Variants in CPLANE1 observed in about 807,000 individuals in gnomAD.
CPLANE1 encodes the protein ciliogenesis and planar polarity effector 1.
CPLANE1 carries 263 observed loss-of-function variants against 362.5 expected under a neutral mutation model. That is an observed-to-expected ratio of 0.73 (90% confidence interval 0.66 to 0.80). The LOEUF (loss-of-function observed/expected upper bound fraction) is 0.80, where lower values mean the gene tolerates loss of function less well. CPLANE1 is among the 30% of genes least tolerant of loss of function. CPLANE1 has a pLI of 0.00. For synonymous variants in CPLANE1, 1,212 were observed against 1,302.6 expected (o/e 0.93, Z 1.50); for missense variants, 3,461 against 3,793.4 (o/e 0.91, Z 2.30).
In CPLANE1 at chr5:37,183,543, A is replaced by G. The variant is rs1783219870; in HGVS notation, c.4638T>C (p.Asp1546=). The change falls in exon 26 of 53, where the codon GAT becomes GAC. Residue 1546 remains aspartate, a synonymous_variant. Coordinates refer to ENST00000651892, the MANE Select transcript of CPLANE1 (RefSeq NM_001384732.1). ...PVIGVWEFER[D]DDEYIKFLDL... is the part of the protein sequence containing the mutation. ...CAAGGAATTTAATATATTCATCATC[A>G]TCACGTTCAAATTCCCAAACACCTA... is the stretch of plus-strand genomic sequence containing the variant. 1.2e-6 allele frequency: 2 copies of G among 1,613,688 alleles called. No individual in the cohort carries two copies. The highest frequency in any genetic ancestry group is 1.7e-6 in the Non-Finnish European group (2 of 1,179,700).
chr5:37,157,634 C>A (rs752453603), intron 40 of CPLANE1, 36 bp downstream of exon 40: 6 of 1,564,514 alleles, frequency 3.8e-6, no homozygotes. Flanking sequence ...AAGAACTTTT[C>A]AAATTATATT....
rs1229286937 is a variant in CPLANE1 at position 37,122,463 on chromosome 5, C to G, written c.8984G>C (p.Arg2995Thr). 1 of 1,612,978 alleles carries G rather than the reference C, an allele frequency of 6.2e-7. No homozygotes were observed. Residue 2995 changes from arginine to threonine, a missense_variant, in exon 48 of 53, where the codon AGG (arginine) becomes ACG (threonine). Arg to Thr is a moderately conservative substitution (Grantham distance 71). Transcript: ENST00000651892. ...TTCATGCTTCATCTTTTGTCTCAGC[C>G]TTATTTCCCTTGAAGTCATGTAAAG... is the stretch of plus-strand genomic sequence containing the variant. Reference protein sequence around the residue: ...NPLYMTSREIRLRQKMKHEKD... With the variant: ...NPLYMTSREITLRQKMKHEKD...
chr5:37,125,653 C>G (rs1431209540), intron 46 of CPLANE1, among the ~76,000 whole-genome samples: 1 of 152,210 alleles, frequency 6.6e-6, no homozygotes, highest in Non-Finnish European at 1.5e-5. Context: ...TCTTTAAACT[C>G]TATCTTACCT....
At position 37,213,514 on chromosome 5, in the gene CPLANE1, G is replaced by A. The variant is rs1196952295; in HGVS notation, c.2920+45C>T. 11 of 1,329,420 alleles carry A rather than the reference G, an allele frequency of 8.3e-6. No individual in the cohort carries two copies. The East Asian group carries it at 2.6e-4, about 31-fold the overall frequency. The allele number at this position is 1,329,420 out of a possible 1,614,324, so 82.4% of individuals were successfully genotyped here. A position where few individuals can be genotyped will look rare whatever the true frequency, so the allele number is the denominator to read the frequency against. On this transcript the variant is annotated intron_variant, in intron 16 of 52. Transcript: ENST00000651892. ...TAATATGTTTTAAATATTATATTATGTGCAATGCAAAAAAAGTTTAAAAAG... is the reference window on the plus strand; with the variant it reads ...TAATATGTTTTAAATATTATATTATATGCAATGCAAAAAAAGTTTAAAAAG...
chr5:37,152,891 G>T (rs749362159), intron 42 of CPLANE1, among the ~76,000 whole-genome samples: 2 of 151,114 alleles, frequency 1.3e-5, no homozygotes, highest in Non-Finnish European at 1.5e-5. Context: ...TATGACTCAA[G>T]AATAAAAAGA....
chr5:37,227,966 T>G, intron 9 of CPLANE1, 149 bp from the exon 10 acceptor site: 4 of 753,256 alleles, frequency 5.3e-6, no homozygotes, highest in Non-Finnish European at 8.3e-6. Flanking sequence ...TTTATATCTT[T>G]CAGGAAAACA....
intron 21 of CPLANE1, among the ~76,000 whole-genome samples, chr5:37,191,594 C>A (rs1166823884): frequency 6.6e-6 from 1 of 152,104 alleles, no homozygotes; most frequent in Non-Finnish European, 1.5e-5. Flanking sequence ...ATGCCTGAAC[C>A]CGGGAGGCAG....
chr5:37,204,783 A>C (rs1790229563), intron 18 of CPLANE1, among the ~76,000 whole-genome samples: 2 of 151,630 alleles, frequency 1.3e-5, no homozygotes, highest in African/African-American at 4.9e-5. Context: ...GGAAAATCAG[A>C]AAATCATTCA....
chr5:37,114,208 G>A (rs191085655), intron 51 of CPLANE1, among the ~76,000 whole-genome samples: 46 of 152,276 alleles, frequency 3.0e-4, no homozygotes, highest in African/African-American at 1.1e-3. Context: ...TTAATGTGAG[G>A]ATCAAGTGAG....
chr5:37,094,229 A>G, the CPLANE1 span, among the ~76,000 whole-genome samples: 1 of 152,192 alleles, frequency 6.6e-6, no homozygotes. Flanking sequence ...TACGTTATTC[A>G]TCTGTCATTG....
At chr5:37,139,243 T>C in intron 45 of CPLANE1, 97 bp downstream of exon 45, 34 of 1,207,890 alleles carry the variant, frequency 2.8e-5, no homozygotes, top group Non-Finnish European at 3.8e-5. Flanking sequence ...ACCACAAAGA[T>C]ATATATAATG....
intron 26 of CPLANE1, 22 bp from the exon 27 acceptor site, chr5:37,181,027 A>T: frequency 6.3e-7 from 1 of 1,596,646 alleles, no homozygotes; most frequent in Non-Finnish European, 8.6e-7. Context: ...CATTTAAAGT[A>T]TTTAGTATTT....
Position 37,184,802 on chromosome 5 carries a change from T to C in CPLANE1, c.4467A>G (p.Ile1489Met). 1.2e-6 allele frequency: 2 copies of C among 1,611,404 alleles called. No individual in the cohort carries two copies. Among genetic ancestry groups the C allele is most frequent in the African/African-American group, 1.3e-5 (1 of 74,846 alleles). ...CTCAATTGTACCTTTGATAGATATTTATCCTACTTTTTTCTTCAACCGACA... is the reference window on the plus strand; with the variant it reads ...CTCAATTGTACCTTTGATAGATATTCATCCTACTTTTTTCTTCAACCGACA... Reference protein sequence around the residue: ...EALSVEEKSRINIYQRNAPNH... With the variant: ...EALSVEEKSRMNIYQRNAPNH... The change falls in exon 25 of 53, where the codon ATA becomes ATG. Residue 1489 changes from isoleucine to methionine, a missense_variant. Physicochemically the swap from Ile to Met is conservative, Grantham distance 10. Around this residue, in one of 2 missense-constraint regions of CPLANE1, gnomAD observed 3,380 missense variants for 3,666.1 expected, o/e 0.92. Coordinates refer to ENST00000651892, the MANE Select transcript of CPLANE1 (RefSeq NM_001384732.1).
chr5:37,232,839 C>CAAAAA (rs765038993), intron 8 of CPLANE1, among the ~76,000 whole-genome samples: 151 of 61,862 alleles, frequency 2.4e-3, no homozygotes, highest in Non-Finnish European at 2.7e-3. Context: ...GACCTTGTTG[C>CAAAAA]AAAAAAAAAA....
chr5:37,146,197 G>A (rs1050236134), intron 43 of CPLANE1, among the ~76,000 whole-genome samples: 3 of 144,420 alleles, frequency 2.1e-5, no homozygotes, highest in Non-Finnish European at 4.5e-5. Flanking sequence ...TTTTTTTTTC[G>A]AGACGGAGTC....
Position 37,107,716 on chromosome 5 carries a change from G to T in CPLANE1, c.9642C>A (p.Ser3214Arg). ...GGATGCTGCCAGTGCTCTCAGACACGCTGTCCACACCGCCCACCCCAAAAG... is the reference window on the plus strand; with the variant it reads ...GGATGCTGCCAGTGCTCTCAGACACTCTGTCCACACCGCCCACCCCAAAAG... ...EHPFGVGGVDSVSESTGSILS... is the reference protein window; with the variant it reads ...EHPFGVGGVDRVSESTGSILS... The change falls in exon 53 of 53, where the codon AGC (serine) becomes AGA (arginine). Residue 3214 changes from serine to arginine, a missense_variant. Ser to Arg is a moderately radical substitution (Grantham distance 110, BLOSUM62 -1). This residue lies in a region of CPLANE1 where 81 missense variants were observed against 127.3 expected (regional missense o/e 0.64). Transcript: ENST00000651892. The T allele has an allele frequency of 6.2e-7, 1 of 1,611,958 alleles. No homozygotes were observed. The highest frequency in any genetic ancestry group is 2.2e-5 in the East Asian group (1 of 44,774).
downstream of CPLANE1, among the ~76,000 whole-genome samples, chr5:37,104,723 T>C (rs1005663107): frequency 3.3e-5 from 5 of 150,746 alleles, no homozygotes; most frequent in Non-Finnish European, 7.4e-5. Flanking sequence ...CTGGCCAACA[T>C]TGTGAAACCC....
chr5:37,077,392 CCT>C, the CPLANE1 span, among the ~76,000 whole-genome samples: 2 of 152,058 alleles, frequency 1.3e-5, no homozygotes, highest in East Asian at 1.9e-4. Context: ...CTTTCTCCAC[CCT>C]GTTACGTCTG....
At chr5:37,211,521 G>A in intron 16 of CPLANE1, 1 of 1,307,554 alleles carries the variant, frequency 7.6e-7, no homozygotes, top group Non-Finnish European at 1.1e-6. Context: ...AGCCCTGACA[G>A]GCAGTGCAGC....
Sources: gnomAD v4.1 joint callset for allele counts (sites outside exome capture counted in the v4.1 genomes callset) on GRCh38, gnomAD v4.1.1 for gene constraint, gnomAD v4.1.1 regional missense constraint, MANE v1.5 for transcripts, NCBI Gene and HGNC (gene_info 2026-07-23, HGNC 2026-07-21) for gene names.